The following NRP2 variants were observed in gnomAD, a reference collection of about 807,000 sequenced individuals.
NRP2 encodes neuropilin-2.
A neutral mutation model predicts 110.4 loss-of-function variants in NRP2; 52 were observed. The ratio of observed to expected loss-of-function variants is 0.47; its 90% CI spans 0.38 to 0.59. The LOEUF (loss-of-function observed/expected upper bound fraction) is 0.59. Among genes scored for constraint, NRP2 ranks in the 20% least tolerant of loss-of-function variants. The pLI is 0.00. For missense variants in NRP2, 1,049 were observed against 1,203.0 expected (o/e 0.87, Z 1.89); for synonymous variants, 508 against 468.9 (o/e 1.08, Z -1.08).
chr2:205,706,160 C>T (rs1184632225), intron 2 of NRP2, among the ~76,000 whole-genome samples: 1 of 151,886 alleles, frequency 6.6e-6, no homozygotes, highest in Non-Finnish European at 1.5e-5. Flanking sequence ...ATGTGAGGGC[C>T]AGTAATAGAG....
Position 205,692,428 on chromosome 2 carries a change from G to A in NRP2, c.74-5116G>A, listed in dbSNP as rs111306796. On this transcript the variant is annotated intron_variant, in intron 1 of 16. Coordinates refer to ENST00000357785, the MANE Select transcript of NRP2 (RefSeq NM_003872.3). ...AGCTCACAGAAATAATTCTTAAAAC[G>A]CAGCTTATCCCGGGTTGGTGAGCAA... Among the ~76,000 whole-genome samples the A allele has an allele frequency of 9.7e-3, 1,472 of 152,266 alleles. 16 individuals carry two copies. The highest frequency in any genetic ancestry group is 0.023 in the South Asian group (113 of 4,820).
intron 2 of NRP2, chr2:205,700,681 T>C: frequency 1.9e-6 from 1 of 518,678 alleles, no homozygotes; most frequent in South Asian, 1.4e-5. Context: ...CCCTAACCGT[T>C]GCTTATTAAC....
rs139797563 is a variant in NRP2, at chr2:205,716,355, C to T, written c.414C>T (p.Arg138=). The change falls in exon 3 of 17, where the codon CGC becomes CGT. Residue 138 remains arginine (R), a synonymous_variant. Coordinates refer to ENST00000357785, the MANE Select transcript of NRP2 (RefSeq NM_003872.3). Reference sequence around the variant, plus strand: ...GGCAGGGGGCAGGCTTCTCTCTGCGCTACGAGATCTTCAAGACAGGTCAGT... The same window carrying T: ...GGCAGGGGGCAGGCTTCTCTCTGCGTTACGAGATCTTCAAGACAGGTCAGT... ...YARQGAGFSL[R]YEIFKTGSED... 11 of 1,613,936 alleles carry T rather than the reference C, an allele frequency of 6.8e-6. No individual in the cohort carries two copies. The African/African-American group carries it at 1.1e-4, about 16-fold the overall frequency.
At chr2:205,774,957 A>G (rs1366476598) in intron 15 of NRP2, among the ~76,000 whole-genome samples, 1 of 152,060 alleles carries the variant, frequency 6.6e-6, no homozygotes, top group Non-Finnish European at 1.5e-5. Flanking sequence ...AGGCATGAAA[A>G]TAGAAATGAG....
intron 9 of NRP2, 136 bp from the exon 10 acceptor site, chr2:205,745,610 A>T (rs76396936): frequency 0.017 from 15,719 of 912,198 alleles, 211 homozygotes; most frequent in Non-Finnish European, 0.023. Context: ...AGAATGTCCC[A>T]GTGACCAGGA....
In NRP2 at chr2:205,734,442, G is replaced by C. The variant is rs73983252; in HGVS notation, c.1147-6077G>C. Among the ~76,000 whole-genome samples, 381 of 112,294 alleles carry C rather than the reference G, an allele frequency of 3.4e-3. 2 individuals carry two copies. The highest frequency in any genetic ancestry group is 0.013 in the African/African-American group (360 of 28,158). 73.7% of individuals were successfully genotyped at this position (112,294 alleles called of 152,430 possible). ...TCGCAACAGTTCCCTCCCCCTACTT[G>C]ACTGTTTTGTGCAACAAATTAATTA... On this transcript the variant is annotated intron_variant, in intron 7 of 16. Transcript: ENST00000357785.
At chr2:205,722,087 T>C (rs2057024848) in intron 3 of NRP2, among the ~76,000 whole-genome samples, 1 of 151,850 alleles carries the variant, frequency 6.6e-6, no homozygotes, top group Non-Finnish European at 1.5e-5. Flanking sequence ...CTTACATTTC[T>C]GGAGTGAGCA....
intron 15 of NRP2, among the ~76,000 whole-genome samples, chr2:205,789,294 A>T (rs535410443): frequency 3.3e-5 from 5 of 152,186 alleles, no homozygotes; most frequent in African/African-American, 1.2e-4. Context: ...CTGAATCCAC[A>T]TGGGGGCCTA....
rs2058358670 is a variant in NRP2 at position 205,797,203 on chromosome 2, AG to A, written c.*2146del. On this transcript the variant is annotated 3_prime_UTR_variant, in exon 17 of 17. Coordinates refer to ENST00000357785, the MANE Select transcript of NRP2 (RefSeq NM_003872.3). ...TTAGAGGTGAAAAGTAGAGCTGTCA[AG>A]CCCAAGGGCTTAGCTTTAGGGCTCC... 1 of 152,672 alleles carries A rather than the reference AG, an allele frequency of 6.5e-6. No homozygotes were observed. The highest frequency in any genetic ancestry group is 1.5e-5 in the Non-Finnish European group (1 of 68,058). 9.5% of individuals were successfully genotyped at this position (152,672 alleles called of 1,614,324 possible). A position where few individuals can be genotyped will look rare whatever the true frequency, so the allele number is the denominator to read the frequency against.
chr2:205,716,441 G>A, intron 3 of NRP2, 67 bp downstream of exon 3: 1 of 1,546,908 alleles, frequency 6.5e-7, no homozygotes. Context: ...ACAGCACCCA[G>A]TGGGCTGAGG....
rs2057909469 is a variant in NRP2 at position 205,765,835 on chromosome 2, A to G, written c.2404+265A>G. Reference sequence around the variant, plus strand: ...AAGTACATAGAGGTTCAGGGTGCCAAGACCCCCTCAGCAAACCCCAGCTTT... The same window carrying G: ...AAGTACATAGAGGTTCAGGGTGCCAGGACCCCCTCAGCAAACCCCAGCTTT... On this transcript the variant is annotated intron_variant, in intron 14 of 16. Transcript: ENST00000357785. 8.9e-6 allele frequency: 5 copies of G among 561,068 alleles called. 1 individual carries two copies. The highest frequency in any genetic ancestry group is 7.7e-5 in the South Asian group (5 of 65,232). The allele number at this position is 561,068 out of a possible 1,614,324, so 34.8% of individuals were successfully genotyped here.
intron 7 of NRP2, among the ~76,000 whole-genome samples, chr2:205,738,490 C>T (rs1233348548): frequency 9.2e-5 from 14 of 152,216 alleles, no homozygotes. Context: ...TTCCCCATCC[C>T]TTTCCTGAGA....
chr2:205,733,175 C>T (rs1252599184), intron 7 of NRP2, among the ~76,000 whole-genome samples: 1 of 152,222 alleles, frequency 6.6e-6, no homozygotes, highest in African/African-American at 2.4e-5. Flanking sequence ...ACTTAGGAAG[C>T]TCAGGGGAAA....
intron 15 of NRP2, chr2:205,776,343 C>A (rs777485563): frequency 4.3e-6 from 7 of 1,613,090 alleles, no homozygotes; most frequent in Admixed American, 1.7e-5. Context: ...CCGGGGGCGC[C>A]GTGCTGGTGC....
At chr2:205,715,952 C>A (rs925545735) in intron 2 of NRP2, among the ~76,000 whole-genome samples, 1 of 152,218 alleles carries the variant, frequency 6.6e-6, no homozygotes, top group African/African-American at 2.4e-5. Context: ...CCTGCTCTTA[C>A]GTGGGCAAGA....
In NRP2 at chr2:205,682,502, G is replaced by C. The variant is rs1433332631; in HGVS notation, c.-789G>C. 1.3e-5 allele frequency: 2 copies of C among 152,966 alleles called. No individual in the cohort carries two copies. The highest frequency in any genetic ancestry group is 2.9e-5 in the Non-Finnish European group (2 of 68,542). 9.5% of individuals were successfully genotyped at this position (152,966 alleles called of 1,614,324 possible). The stretch of plus-strand genomic sequence containing the variant: ...GCAGTGGGGAGCCGGAGGGGAGGCA[G>C]AGATCGCGAGCGAGGCACCAGCCTG... On this transcript the variant is annotated 5_prime_UTR_variant, in exon 1 of 17. Coordinates refer to ENST00000357785, the MANE Select transcript of NRP2 (RefSeq NM_003872.3). This position sits in a 1 kb window ranked among gnomAD's most constrained non-coding sequence, Gnocchi z 4.3.
intron 11 of NRP2, 78 bp downstream of exon 11, chr2:205,749,919 T>A: frequency 8.8e-7 from 1 of 1,131,046 alleles, no homozygotes; most frequent in South Asian, 1.3e-5. Flanking sequence ...GACAGGGACC[T>A]AGTGGTCCCC....
Position 205,683,373 on chromosome 2 carries a change from T to C in NRP2, c.73+10T>C. 6.2e-7 allele frequency: 1 copy of C among 1,606,548 alleles called. No homozygotes were observed. Among genetic ancestry groups the C allele is most frequent in the Non-Finnish European group, 8.5e-7 (1 of 1,173,138 alleles). ...GTGAGAGGCCAACCAGGTAAGCCAC[T>C]GAAAGTTTTTCTATTTATTGCAACA... On this transcript the variant is annotated intron_variant, in intron 1 of 16. Transcript: ENST00000357785.
At position 205,795,015 on chromosome 2, in the gene NRP2, A is replaced by G; in HGVS notation, c.2738A>G (p.His913Arg). ...YNFELYDGLK[H>R]KVKMNHQKCC... Reference sequence around the variant, plus strand: ...TTCGAGCTCTACGATGGCCTTAAGCACAAGGTCAAGATGAACCACCAAAAG... The same window carrying G: ...TTCGAGCTCTACGATGGCCTTAAGCGCAAGGTCAAGATGAACCACCAAAAG... The change falls in exon 17 of 17, where the codon CAC becomes CGC. Residue 913 changes from histidine (H) to arginine (R), a missense_variant. Physicochemically the swap from His to Arg is conservative, Grantham distance 29. Coordinates refer to ENST00000357785, the MANE Select transcript of NRP2 (RefSeq NM_003872.3). 1 of 1,614,200 alleles carries G rather than the reference A, an allele frequency of 6.2e-7. No homozygotes were observed. The highest frequency in any genetic ancestry group is 8.5e-7 in the Non-Finnish European group (1 of 1,180,028).
Sources: gnomAD v4.1 joint callset for allele counts (sites outside exome capture counted in the v4.1 genomes callset) on GRCh38, gnomAD v4.1.1 for gene constraint, Gnocchi (gnomAD v3.1) non-coding constraint, MANE v1.5 for transcripts, NCBI Gene and HGNC (gene_info 2026-07-23, HGNC 2026-07-21) for gene names.